MYB: variants seen among roughly 807,000 people sequenced by gnomAD.
The protein encoded by MYB is transcriptional activator Myb.
In MYB, 28 loss-of-function variants were observed where a neutral mutation model predicts 92.9. The observed-to-expected ratio is 0.30, with a 90% CI of 0.22 to 0.41. MYB has a LOEUF of 0.41. MYB is among the 10% of genes least tolerant of loss of function. The pLI is 1.00. For synonymous variants in MYB, 295 were observed against 329.1 expected (o/e 0.90, Z 1.12); for missense variants, 679 against 929.3 (o/e 0.73, Z 3.50).
intron 1 of MYB, 90 bp from the exon 2 acceptor site, chr6:135,185,813 T>C (rs1026450516): frequency 6.0e-6 from 6 of 1,005,282 alleles, no homozygotes; most frequent in Non-Finnish European, 9.3e-6. Context: ...TTTGAAAAGA[T>C]TGTTGAGGAG....
intron 3 of MYB, among the ~76,000 whole-genome samples, chr6:135,188,690 A>G (rs1272819865): frequency 6.6e-6 from 1 of 151,682 alleles, no homozygotes; most frequent in African/African-American, 2.4e-5. Context: ...TTGTATTTTT[A>G]GTAGAGACAA....
rs1583274763 is a variant in MYB, at chr6:135,190,653, C to T, written c.527+306C>T. Among the ~76,000 whole-genome samples, 1 of 152,254 alleles carries T rather than the reference C, an allele frequency of 6.6e-6. No homozygotes were observed. Among genetic ancestry groups the T allele is most frequent in the East Asian group, 1.9e-4 (1 of 5,186 alleles). On this transcript the variant is annotated intron_variant, in intron 5 of 15. Coordinates refer to ENST00000341911, the MANE Select transcript of MYB (RefSeq NM_001130173.2). This position sits in a 1 kb window ranked among gnomAD's most constrained non-coding sequence, Gnocchi z 4.5. Reference sequence around the variant, plus strand: ...ATCAAGTAAAATGAATGTCAAAGGACTTGGTAAACTATAAAACTCTAAATG... The same window carrying T: ...ATCAAGTAAAATGAATGTCAAAGGATTTGGTAAACTATAAAACTCTAAATG...
chr6:135,194,858 G>A lies in MYB; in HGVS notation c.948+398G>A. 3.7e-6 allele frequency: 4 copies of A among 1,089,164 alleles called. No individual in the cohort carries two copies. In the South Asian group the frequency reaches 7.3e-5, roughly 20 times the overall value. The allele number at this position is 1,089,164 out of a possible 1,614,324, so 67.5% of individuals were successfully genotyped here. ...TATATTTTCATATTTTATAATTTCA[G>A]ACATGATTTGATGCATGTTCAGTAT... On this transcript the variant is annotated intron_variant, in intron 8 of 15. Coordinates refer to ENST00000341911, the MANE Select transcript of MYB (RefSeq NM_001130173.2).
chr6:135,187,925 T>C lies in MYB; in HGVS notation c.213+20T>C. 6.4e-7 allele frequency: 1 copy of C among 1,564,132 alleles called. No homozygotes were observed. The highest frequency in any genetic ancestry group is 8.8e-7 in the Non-Finnish European group (1 of 1,137,956). On this transcript the variant is annotated intron_variant, in intron 3 of 15. Coordinates refer to ENST00000341911, the MANE Select transcript of MYB (RefSeq NM_001130173.2). ...CTCCCGGTAAGTTAGTAAGTTTTTC[T>C]TATAACGAAAGGAAAGCTTCTCCCA... is the stretch of plus-strand genomic sequence containing the variant.
chr6:135,197,875 C>G (rs1466267443), intron 10 of MYB, among the ~76,000 whole-genome samples: 1 of 152,194 alleles, frequency 6.6e-6, no homozygotes, highest in African/African-American at 2.4e-5. Context: ...ATTTCAGTTT[C>G]TCAACATTGG....
chr6:135,199,195 A>C, intron 11 of MYB, 145 bp downstream of exon 11: 1 of 674,692 alleles, frequency 1.5e-6, no homozygotes, highest in African/African-American at 1.8e-5. Flanking sequence ...CCCACATTGA[A>C]TATATCTGTC....
chr6:135,211,924 A>T (rs1171118847), intron 15 of MYB, among the ~76,000 whole-genome samples: 1 of 152,190 alleles, frequency 6.6e-6, no homozygotes, highest in Non-Finnish European at 1.5e-5. Context: ...AAAGTTTGGT[A>T]ACCATTAATC....
At chr6:135,189,953 T>A in intron 4 of MYB, 70 bp downstream of exon 4, 2 of 1,510,802 alleles carry the variant, frequency 1.3e-6, no homozygotes, top group Non-Finnish European at 9.1e-7. Context: ...ATTTTCCTAT[T>A]TGAGGAAGCA....
At chr6:135,207,084 A>C (rs1328045002) in intron 15 of MYB, among the ~76,000 whole-genome samples, 1 of 152,182 alleles carries the variant, frequency 6.6e-6, no homozygotes, top group Non-Finnish European at 1.5e-5. Context: ...TGATAATCCA[A>C]TTTGACCTAA....
intron 13 of MYB, among the ~76,000 whole-genome samples, chr6:135,201,416 T>G (rs1261190023): frequency 6.6e-6 from 1 of 152,230 alleles, no homozygotes; most frequent in Admixed American, 6.5e-5. Context: ...GTTGAAAACG[T>G]AGGAGCTTTA....
At position 135,200,053 on chromosome 6, in the gene MYB, G is replaced by T. The variant is rs1388258659; in HGVS notation, c.1710-32G>T. The T allele has an allele frequency of 3.3e-6, 5 of 1,498,990 alleles. No individual in the cohort carries two copies. The Admixed American group carries it at 5.0e-5, about 15-fold the overall frequency. The allele number at this position is 1,498,990 out of a possible 1,614,324, so 92.9% of individuals were successfully genotyped here. ...GCCATGTAGGGACATTTATTCTTTTGTATTGAGCCACTGCTTGTTTTCTTT... is the reference window on the plus strand; with the variant it reads ...GCCATGTAGGGACATTTATTCTTTTTTATTGAGCCACTGCTTGTTTTCTTT... On this transcript the variant is annotated intron_variant, in intron 11 of 15. Coordinates refer to ENST00000341911, the MANE Select transcript of MYB (RefSeq NM_001130173.2).
intron 15 of MYB, 124 bp downstream of exon 15, chr6:135,203,448 A>G: frequency 1.3e-6 from 1 of 756,134 alleles, no homozygotes; most frequent in Non-Finnish European, 2.2e-6. Flanking sequence ...AACATTTTAG[A>G]CATAGGGGAG....
Position 135,197,096 on chromosome 6 carries a change from C to G in MYB, c.1339C>G (p.Pro447Ala), listed in dbSNP as rs560253593. 6.2e-7 allele frequency: 1 copy of G among 1,614,014 alleles called. No homozygotes were observed. The highest frequency in any genetic ancestry group is 1.7e-5 in the Admixed American group (1 of 60,022). ...CAATGGGACTAAACCTGCAGGAGAA[C>G]CTAGCCCAAGGGTGAACAAACGTAT... ...EGNGTKPAGE[P>A]SPRVNKRMLS... is the part of the protein sequence containing the mutation. The change falls in exon 10 of 16, where the codon CCT becomes GCT. Residue 447 changes from proline (P) to alanine (A), a missense_variant. Physicochemically the swap from Pro to Ala is conservative, Grantham distance 27. This residue lies in a region of MYB where 402 missense variants were observed against 434.2 expected (regional missense o/e 0.93). Coordinates refer to ENST00000341911, the MANE Select transcript of MYB (RefSeq NM_001130173.2).
Position 135,203,209 on chromosome 6 carries a change from C to G in MYB, c.2062-8C>G. 1 of 1,559,362 alleles carries G rather than the reference C, an allele frequency of 6.4e-7. No homozygotes were observed. Among genetic ancestry groups the G allele is most frequent in the South Asian group, 1.1e-5 (1 of 88,002 alleles). On this transcript the variant is annotated splice_region_variant and splice_polypyrimidine_tract_variant and intron_variant, in intron 14 of 15. Transcript: ENST00000341911. The stretch of plus-strand genomic sequence containing the variant: ...CATTTAAATTTCAAATTATTCTCTT[C>G]CCTTTAGAATATTCTTACAAGCTCC...
intron 15 of MYB, among the ~76,000 whole-genome samples, chr6:135,212,224 CTTTTTTT>C (rs545704827): frequency 3.7e-3 from 123 of 32,880 alleles, no homozygotes; most frequent in Middle Eastern, 0.045. Flanking sequence ...TTTGGTTTTA[CTTTTTTT>C]TTTTTTTTTT....
At chr6:135,197,970 A>G (rs1022366646) in intron 10 of MYB, among the ~76,000 whole-genome samples, 5 of 152,256 alleles carry the variant, frequency 3.3e-5, no homozygotes, top group African/African-American at 1.2e-4. Flanking sequence ...TTAAGGCATG[A>G]AAATCACAAT....
intron 15 of MYB, among the ~76,000 whole-genome samples, chr6:135,210,741 T>C (rs1465694686): frequency 6.6e-6 from 1 of 152,170 alleles, no homozygotes; most frequent in Non-Finnish European, 1.5e-5. Context: ...GGAATATCCT[T>C]CACTCATCAC....
intron 9 of MYB, 159 bp from the exon 10 acceptor site, chr6:135,196,802 C>T: frequency 6.4e-7 from 1 of 1,569,328 alleles, no homozygotes; most frequent in South Asian, 1.1e-5. Flanking sequence ...TGCTCTACTG[C>T]AGTATAATAG....
At chr6:135,217,712 C>T (rs1205776499) in intron 15 of MYB, 152 bp from the exon 16 acceptor site, 9 of 705,844 alleles carry the variant, frequency 1.3e-5, no homozygotes, top group South Asian at 3.1e-5. Flanking sequence ...TTAAGAACAC[C>T]GGATTTCTGG....
Sources: allele counts gnomAD v4.1 joint callset (sites outside exome capture counted in the v4.1 genomes callset), GRCh38; gene constraint gnomAD v4.1.1; regional missense constraint gnomAD v4.1.1; non-coding constraint Gnocchi (gnomAD v3.1); transcripts MANE v1.5; gene names NCBI Gene and HGNC (gene_info 2026-07-23, HGNC 2026-07-21).